KCNB2: variants seen among roughly 807,000 people sequenced by gnomAD.
The protein encoded by KCNB2 is delayed rectifier potassium channel protein.
In KCNB2, 15 loss-of-function variants were observed where a neutral mutation model predicts 61.5. The ratio of observed to expected loss-of-function variants is 0.24; its 90% confidence interval spans 0.16 to 0.38. The LOEUF is 0.38. Ranked by LOEUF, KCNB2 falls within the 10% of genes least tolerant of loss-of-function variation. The pLI, the probability that KCNB2 is intolerant of heterozygous loss-of-function variation, is 1.00. For synonymous variants in KCNB2, 457 were observed against 446.0 expected, an observed-to-expected ratio of 1.02 and a Z score of -0.31; for missense variants, 828 against 1,125.2, an observed-to-expected ratio of 0.74 and a Z score of 3.78.
chr8:72,674,395 A>G (rs570230818), intron 2 of KCNB2, among the ~76,000 whole-genome samples: 1 of 152,368 alleles, frequency 6.6e-6, no homozygotes, highest in African/African-American at 2.4e-5. Context: ...TTAAAGATCA[A>G]GGACATATCA....
At chr8:72,615,595 G>A (rs1233342307) in intron 2 of KCNB2, among the ~76,000 whole-genome samples, 3 of 152,182 alleles carry the variant, frequency 2.0e-5, no homozygotes, top group Non-Finnish European at 4.4e-5. Flanking sequence ...TTTGAAAACT[G>A]CTGTTCTGCC....
At chr8:72,607,405 A>G (rs956534745) in intron 2 of KCNB2, among the ~76,000 whole-genome samples, 1 of 152,124 alleles carries the variant, frequency 6.6e-6, no homozygotes, top group Non-Finnish European at 1.5e-5. Flanking sequence ...GGGGAGAGAG[A>G]TGGAGGGCTG....
intron 2 of KCNB2, among the ~76,000 whole-genome samples, chr8:72,704,961 T>TTGA (rs1807196129): frequency 6.9e-5 from 1 of 14,596 alleles, no homozygotes; most frequent in Non-Finnish European, 1.5e-4. Flanking sequence ...TAATTTTTTA[T>TTGA]TGTATTGTTA....
chr8:72,921,397 T>C (rs1026311819), intron 2 of KCNB2, among the ~76,000 whole-genome samples: 2 of 152,150 alleles, frequency 1.3e-5, no homozygotes, highest in Non-Finnish European at 2.9e-5. Context: ...CATAGGTAAC[T>C]GCCACCACAT....
chr8:72,886,247 T>A (rs1276367410), intron 2 of KCNB2, among the ~76,000 whole-genome samples: 1 of 152,128 alleles, frequency 6.6e-6, no homozygotes, highest in Non-Finnish European at 1.5e-5. Flanking sequence ...CTTCCCCACC[T>A]CCCTGTTACT....
intron 2 of KCNB2, among the ~76,000 whole-genome samples, chr8:72,675,148 A>T (rs1364926148): frequency 6.6e-6 from 1 of 152,204 alleles, no homozygotes; most frequent in Non-Finnish European, 1.5e-5. Context: ...TGTTTTCATC[A>T]CAAAGCAAGG....
chr8:72,565,239 T>C (rs945990338), intron 1 of KCNB2, among the ~76,000 whole-genome samples: 15 of 152,276 alleles, frequency 9.9e-5, no homozygotes, highest in South Asian at 2.1e-4. Flanking sequence ...GTACTTCTTA[T>C]ATAGTCCATC....
chr8:72,607,904 AG>A (rs1241373321), intron 2 of KCNB2, among the ~76,000 whole-genome samples: 71 of 152,356 alleles, frequency 4.7e-4, no homozygotes, highest in African/African-American at 1.7e-3. Context: ...TAACTGGGTT[AG>A]TACATAAAAA....
intron 2 of KCNB2, among the ~76,000 whole-genome samples, chr8:72,862,048 T>G (rs1805426447): frequency 6.6e-6 from 1 of 152,130 alleles, no homozygotes; most frequent in South Asian, 2.1e-4. Context: ...GGTGCACAAC[T>G]GTAGTCCCAG....
intron 2 of KCNB2, among the ~76,000 whole-genome samples, chr8:72,722,588 C>T (rs1563571037): frequency 6.6e-6 from 1 of 152,188 alleles, no homozygotes; most frequent in Non-Finnish European, 1.5e-5. Flanking sequence ...GTCATCGAAT[C>T]AGTGTCTGTA....
chr8:72,540,812 T>A (rs1482611567), intron 1 of KCNB2, among the ~76,000 whole-genome samples: 1 of 152,150 alleles, frequency 6.6e-6, no homozygotes, highest in Non-Finnish European at 1.5e-5. Flanking sequence ...AAAGTGCGTA[T>A]TCCTATAGGT....
chr8:72,616,091 G>T lies in KCNB2; in HGVS notation c.579+47778G>T, dbSNP rs1805615191. On this transcript the variant is annotated intron_variant, in intron 2 of 2. Transcript: ENST00000523207. ...TTCTGAGGTACATGAAGAGATTCAGGCATTTTAAGGTTCTCAATCATGTCA... is the reference window on the plus strand; with the variant it reads ...TTCTGAGGTACATGAAGAGATTCAGTCATTTTAAGGTTCTCAATCATGTCA... Among the ~76,000 whole-genome samples, 3 of 152,268 alleles carry T rather than the reference G, an allele frequency of 2.0e-5. No homozygotes were observed. In the South Asian group the frequency reaches 6.2e-4, roughly 32 times the overall value.
chr8:72,745,066 C>G (rs141651137), intron 2 of KCNB2, among the ~76,000 whole-genome samples: 1 of 152,214 alleles, frequency 6.6e-6, no homozygotes, highest in African/African-American at 2.4e-5. Context: ...CTGCAGCTCT[C>G]TCTTTCACCT....
intron 2 of KCNB2, among the ~76,000 whole-genome samples, chr8:72,874,161 C>A (rs1389635827): frequency 2.0e-5 from 3 of 152,190 alleles, no homozygotes; most frequent in Non-Finnish European, 4.4e-5. Context: ...TACTTTAACT[C>A]ATTTTTCTTA....
chr8:72,836,101 C>T (rs1473463814), intron 2 of KCNB2, among the ~76,000 whole-genome samples: 3 of 152,246 alleles, frequency 2.0e-5, no homozygotes, highest in Non-Finnish European at 4.4e-5. Context: ...TATTCCACTT[C>T]TGTTCACCTG....
At chr8:72,793,149 A>T (rs1808973880) in intron 2 of KCNB2, among the ~76,000 whole-genome samples, 1 of 152,224 alleles carries the variant, frequency 6.6e-6, no homozygotes, top group African/African-American at 2.4e-5. Flanking sequence ...TTATGTGTTC[A>T]TTCAAGTATT....
intron 2 of KCNB2, among the ~76,000 whole-genome samples, chr8:72,684,454 G>T (rs1378411306): frequency 6.6e-6 from 1 of 152,122 alleles, no homozygotes; most frequent in Non-Finnish European, 1.5e-5. Flanking sequence ...GGAGTAAGGG[G>T]TGTAGAGTCA....
chr8:72,863,749 C>T (rs1757814337), intron 2 of KCNB2, among the ~76,000 whole-genome samples: 2 of 152,222 alleles, frequency 1.3e-5, no homozygotes, highest in South Asian at 2.1e-4. Flanking sequence ...GTGGCTTATG[C>T]CTATAATTCC....
intron 2 of KCNB2, among the ~76,000 whole-genome samples, chr8:72,913,066 A>G (rs767567046): frequency 5.3e-5 from 8 of 152,192 alleles, no homozygotes; most frequent in Non-Finnish European, 1.0e-4. Context: ...ATTTTCAGCA[A>G]CCAGTTCTGT....
Sources: allele counts gnomAD v4.1 joint callset (sites outside exome capture counted in the v4.1 genomes callset), GRCh38; gene constraint gnomAD v4.1.1; transcripts MANE v1.5; gene names NCBI Gene and HGNC (gene_info 2026-07-23, HGNC 2026-07-21).